The following GLIS3 variants were observed in gnomAD, a reference collection of about 807,000 sequenced individuals.
GLIS3 encodes the protein GLIS family zinc finger 3, also known as zinc finger protein GLIS3.
Under a neutral mutation model 78.6 loss-of-function variants are expected in GLIS3, and 53 were observed. The ratio of observed to expected loss-of-function variants is 0.67; its 90% confidence interval spans 0.54 to 0.85. The LOEUF (loss-of-function observed/expected upper bound fraction) is 0.85. Ranked by LOEUF, GLIS3 falls within the 40% of genes least tolerant of loss-of-function variation. The pLI is 0.00. For synonymous variants in GLIS3, 684 were observed against 509.9 expected, an observed-to-expected ratio of 1.34 and a Z score of -4.60; for missense variants, 1,703 against 1,231.1, an observed-to-expected ratio of 1.38 and a Z score of -5.74.
chr9:4,193,061 C>T (rs1379564730), intron 2 of GLIS3, among the ~76,000 whole-genome samples: 2 of 152,288 alleles, frequency 1.3e-5, no homozygotes, highest in East Asian at 1.9e-4. Flanking sequence ...TTCTTGTAGT[C>T]CCTGTTGGCA....
At chr9:4,444,349 G>A in the GLIS3 span, among the ~76,000 whole-genome samples, 2 of 152,200 alleles carry the variant, frequency 1.3e-5, no homozygotes, top group African/African-American at 4.8e-5. Context: ...GAGATATTAT[G>A]TAATCACATG....
At chr9:4,444,132 A>G in the GLIS3 span, among the ~76,000 whole-genome samples, 1 of 152,180 alleles carries the variant, frequency 6.6e-6, no homozygotes, top group Non-Finnish European at 1.5e-5. Flanking sequence ...GGACAAAGTG[A>G]TGGGAGCTAT....
chr9:4,478,858 A>G, the GLIS3 span, among the ~76,000 whole-genome samples: 1 of 152,340 alleles, frequency 6.6e-6, no homozygotes, highest in African/African-American at 2.4e-5. Context: ...TGGTGAATTT[A>G]TCGTAGTTGA....
At chr9:4,489,126 C>CA in the GLIS3 span, among the ~76,000 whole-genome samples, 1 of 152,258 alleles carries the variant, frequency 6.6e-6, no homozygotes, top group South Asian at 2.1e-4. Context: ...CTCGGACTCC[C>CA]AAAGTCCTGA....
rs541951606 is a variant in GLIS3, at chr9:3,958,622, A to C, written c.1711-21433T>G. Among the ~76,000 whole-genome samples, 19 of 152,316 alleles carry C rather than the reference A, an allele frequency of 1.2e-4. No individual in the cohort carries two copies. In the South Asian group the frequency reaches 3.9e-3, roughly 32 times the overall value. ...TTCTACTCTGGGCTGGACGCTGTGT[A>C]GGATCTCAGCACACCAAGATGATTG... is the stretch of plus-strand genomic sequence containing the variant. On this transcript the variant is annotated intron_variant, in intron 4 of 10. Coordinates refer to ENST00000381971, the MANE Select transcript of GLIS3 (RefSeq NM_001042413.2).
intron 1 of GLIS3, among the ~76,000 whole-genome samples, chr9:4,292,556 C>A (rs1016306959): frequency 1.3e-5 from 2 of 152,084 alleles, no homozygotes; most frequent in African/African-American, 2.4e-5. Flanking sequence ...CAGAAAAGAT[C>A]TAAGGGTTTG....
rs575461337 is a variant in GLIS3 at position 4,044,687 on chromosome 9, T to C, written c.1710+73081A>G. On this transcript the variant is annotated intron_variant, in intron 4 of 10. Coordinates refer to ENST00000381971, the MANE Select transcript of GLIS3 (RefSeq NM_001042413.2). ...GAACCACTACCTCAGAAAGAGGTCA[T>C]GGGCATGACTGAGGGTGACTGCTCA... 2.0e-5 allele frequency among the ~76,000 whole-genome samples: 3 copies of C among 152,286 alleles called. No individual in the cohort carries two copies. The South Asian group carries it at 6.2e-4, about 32-fold the overall frequency.
intron 4 of GLIS3, among the ~76,000 whole-genome samples, chr9:3,960,348 A>C (rs1817464593): frequency 6.6e-6 from 1 of 152,210 alleles, no homozygotes; most frequent in African/African-American, 2.4e-5. Context: ...AATTTCTGTT[A>C]CTTAAGGCAC....
chr9:4,236,903 A>G (rs879707318), intron 2 of GLIS3, among the ~76,000 whole-genome samples: 1 of 152,112 alleles, frequency 6.6e-6, no homozygotes, highest in Non-Finnish European at 1.5e-5. Context: ...TTCCATAACA[A>G]TTCATTAAAA....
At chr9:4,486,604 A>G in the GLIS3 span, among the ~76,000 whole-genome samples, 1 of 152,196 alleles carries the variant, frequency 6.6e-6, no homozygotes, top group Non-Finnish European at 1.5e-5. Flanking sequence ...CGTTCAATAC[A>G]TTGGTATGCC....
chr9:3,921,923 TAC>T (rs6150898), intron 6 of GLIS3, among the ~76,000 whole-genome samples: 13 of 149,866 alleles, frequency 8.7e-5, no homozygotes, highest in African/African-American at 2.9e-4. Context: ...TCATACTGTG[TAC>T]ACACACACAC....
intron 2 of GLIS3, among the ~76,000 whole-genome samples, chr9:4,263,035 A>C (rs1259667358): frequency 1.3e-5 from 2 of 152,136 alleles, no homozygotes; most frequent in Non-Finnish European, 1.5e-5. Context: ...CAAGGCTAGA[A>C]TGTTTCCAGT....
the GLIS3 span, among the ~76,000 whole-genome samples, chr9:4,393,811 T>C: frequency 6.6e-6 from 1 of 152,182 alleles, no homozygotes; most frequent in Admixed American, 6.6e-5. Flanking sequence ...TAACTTTGAT[T>C]AGTTAAGACA....
intron 8 of GLIS3, among the ~76,000 whole-genome samples, chr9:3,871,197 T>C (rs904762892): frequency 6.6e-6 from 1 of 152,184 alleles, no homozygotes; most frequent in African/African-American, 2.4e-5. Context: ...CTTGGGCAGC[T>C]CCACTCCTGT....
chr9:4,000,961 A>G (rs927790135), intron 4 of GLIS3, among the ~76,000 whole-genome samples: 5 of 152,088 alleles, frequency 3.3e-5, no homozygotes, highest in African/African-American at 9.7e-5. Flanking sequence ...CAATTTTTCT[A>G]TTTATATTGT....
At chr9:4,333,390 G>GGAAA (rs759963490) in intron 2 of GLIS3, among the ~76,000 whole-genome samples, 2 of 149,168 alleles carry the variant, frequency 1.3e-5, no homozygotes, top group East Asian at 3.9e-4. Flanking sequence ...AGGGAGAGAG[G>GGAAA]GAAAGAAAGA....
At chr9:4,102,977 A>C (rs1411612686) in intron 4 of GLIS3, among the ~76,000 whole-genome samples, 1 of 151,532 alleles carries the variant, frequency 6.6e-6, no homozygotes, top group African/African-American at 2.4e-5. Flanking sequence ...ATGTAAAATG[A>C]AAAAAAAATC....
chr9:3,930,245 A>G (rs1293899131), intron 6 of GLIS3, among the ~76,000 whole-genome samples: 1 of 152,232 alleles, frequency 6.6e-6, no homozygotes, highest in Admixed American at 6.5e-5. Context: ...CAACAAGTCA[A>G]TGAAATCCAA....
At chr9:3,952,975 A>G (rs1816803046) in intron 4 of GLIS3, among the ~76,000 whole-genome samples, 1 of 152,238 alleles carries the variant, frequency 6.6e-6, no homozygotes, top group Non-Finnish European at 1.5e-5. Flanking sequence ...TTAATTTAAA[A>G]AAATCATATT....
Sources: gnomAD v4.1 joint callset for allele counts (sites outside exome capture counted in the v4.1 genomes callset) on GRCh38, gnomAD v4.1.1 for gene constraint, MANE v1.5 for transcripts, NCBI Gene and HGNC (gene_info 2026-07-23, HGNC 2026-07-21) for gene names.